GHR: variants seen among roughly 807,000 people sequenced by gnomAD.
GHR encodes growth hormone receptor.
A neutral mutation model predicts 67.1 loss-of-function variants in GHR; 35 were observed. That is an observed-to-expected ratio of 0.52 (90% CI 0.40 to 0.69). GHR has a LOEUF of 0.69. Ranked by LOEUF, GHR falls within the 30% of genes least tolerant of loss-of-function variation. The pLI, the probability that GHR is intolerant of heterozygous loss-of-function variation, is 0.00. For missense variants in GHR, 792 were observed against 764.6 expected (o/e 1.04, Z -0.42); for synonymous variants, 272 against 269.1 (o/e 1.01, Z -0.10).
intron 1 of GHR, among the ~76,000 whole-genome samples, chr5:42,475,396 G>A (rs1434160291): frequency 6.6e-6 from 1 of 151,480 alleles, no homozygotes; most frequent in African/African-American, 2.4e-5. Context: ...CCCCTTCCAG[G>A]GTCCTGGAAG....
Position 42,445,782 on chromosome 5 carries a change from C to T in GHR, c.-12+21827C>T, listed in dbSNP as rs1374715090. On this transcript the variant is annotated intron_variant, in intron 1 of 9. Transcript: ENST00000230882. ...CTGACTTGTTAAGCTCAGTATGCTT[C>T]GATAAGAAAGCAAAATTTTTTTGTT... Among the ~76,000 whole-genome samples, 17 of 151,958 alleles carry T rather than the reference C, an allele frequency of 1.1e-4. No homozygotes were observed. In the East Asian group the frequency reaches 1.3e-3, roughly 12 times the overall value.
chr5:42,661,606 A>T (rs936817923), intron 3 of GHR, among the ~76,000 whole-genome samples: 1 of 152,250 alleles, frequency 6.6e-6, no homozygotes, highest in East Asian at 1.9e-4. Context: ...TGAAGGAAGC[A>T]CTAAACATGG....
intron 2 of GHR, among the ~76,000 whole-genome samples, chr5:42,624,284 G>A (rs1408310558): frequency 6.6e-6 from 1 of 152,118 alleles, no homozygotes; most frequent in African/African-American, 2.4e-5. Flanking sequence ...CAGAGCTTTG[G>A]CTCTGCACTC....
chr5:42,671,292 A>T (rs1199421333), intron 3 of GHR, among the ~76,000 whole-genome samples: 1 of 152,094 alleles, frequency 6.6e-6, no homozygotes, highest in East Asian at 1.9e-4. Flanking sequence ...GGGAAGCAGG[A>T]GTAAGAGAGA....
intron 5 of GHR, among the ~76,000 whole-genome samples, chr5:42,697,615 G>A (rs960492543): frequency 1.8e-4 from 27 of 152,160 alleles, no homozygotes; most frequent in African/African-American, 6.0e-4. Flanking sequence ...ACAGCAGGCC[G>A]GCGGTGGAGT....
At chr5:42,611,185 C>A (rs965196971) in intron 2 of GHR, among the ~76,000 whole-genome samples, 1 of 151,922 alleles carries the variant, frequency 6.6e-6, no homozygotes, top group Non-Finnish European at 1.5e-5. Context: ...ATCTTATATC[C>A]CAGGTTTGCT....
chr5:42,590,551 A>G (rs1047313625), intron 2 of GHR, among the ~76,000 whole-genome samples: 1 of 152,220 alleles, frequency 6.6e-6, no homozygotes, highest in East Asian at 1.9e-4. Flanking sequence ...CTATCCCCTT[A>G]AAAGCAACCA....
chr5:42,691,060 T>C (rs571272647), intron 4 of GHR, among the ~76,000 whole-genome samples: 12 of 152,236 alleles, frequency 7.9e-5, no homozygotes, highest in African/African-American at 2.6e-4. Flanking sequence ...CTTGCCCTCA[T>C]CAATCAGGGT....
chr5:42,694,799 C>T lies in GHR; in HGVS notation c.267-118C>T, dbSNP rs1036764525. On this transcript the variant is annotated intron_variant, in intron 4 of 9. Transcript: ENST00000230882. ...CTCGGAAATGATGTTACTAAAATACCTCTTCACAAAATATTTGTCTTCCAA... is the reference window on the plus strand; with the variant it reads ...CTCGGAAATGATGTTACTAAAATACTTCTTCACAAAATATTTGTCTTCCAA... The T allele has an allele frequency of 1.9e-5, 15 of 800,804 alleles. No homozygotes were observed. In the African/African-American group the frequency reaches 2.5e-4, roughly 13 times the overall value. The allele number at this position is 800,804 out of a possible 1,614,324, so 49.6% of individuals were successfully genotyped here.
intron 1 of GHR, among the ~76,000 whole-genome samples, chr5:42,481,703 G>A (rs1204949879): frequency 2.0e-5 from 3 of 152,088 alleles, no homozygotes; most frequent in South Asian, 2.1e-4. Flanking sequence ...CATTTGTCAC[G>A]TAATTCTCGT....
intron 2 of GHR, among the ~76,000 whole-genome samples, chr5:42,593,366 C>G (rs997615397): frequency 1.3e-5 from 2 of 152,192 alleles, no homozygotes; most frequent in Non-Finnish European, 2.9e-5. Flanking sequence ...CCAATGGAAA[C>G]TGTCTCTCAA....
chr5:42,663,642 T>C (rs1755787818), intron 3 of GHR, among the ~76,000 whole-genome samples: 1 of 152,198 alleles, frequency 6.6e-6, no homozygotes, highest in Admixed American at 6.5e-5. Flanking sequence ...AATATCATAC[T>C]GAATGGGCAA....
At chr5:42,600,546 G>A (rs6887718) in intron 2 of GHR, among the ~76,000 whole-genome samples, 150,333 of 152,352 alleles carry the variant, frequency 0.99, 74,242 homozygotes, top group Non-Finnish European at 1. Flanking sequence ...GGAGTAAGAA[G>A]TGAAAGCTCC....
At chr5:42,671,793 A>G (rs1756320279) in intron 3 of GHR, among the ~76,000 whole-genome samples, 1 of 151,872 alleles carries the variant, frequency 6.6e-6, no homozygotes, top group Non-Finnish European at 1.5e-5. Flanking sequence ...AGTCTCTACT[A>G]AAAATACAAA....
chr5:42,512,607 TA>T (rs1407688626), intron 1 of GHR, among the ~76,000 whole-genome samples: 1 of 152,168 alleles, frequency 6.6e-6, no homozygotes, highest in Non-Finnish European at 1.5e-5. Context: ...TATATATATA[TA>T]CATAGACAAC....
chr5:42,541,907 G>T (rs2112381557), intron 1 of GHR, among the ~76,000 whole-genome samples: 2 of 152,264 alleles, frequency 1.3e-5, no homozygotes, highest in South Asian at 4.1e-4. Context: ...AAAATTGAAA[G>T]TCTGGTTATG....
At chr5:42,692,401 G>C (rs532126328) in intron 4 of GHR, among the ~76,000 whole-genome samples, 2 of 152,142 alleles carry the variant, frequency 1.3e-5, no homozygotes, top group Middle Eastern at 3.4e-3. Context: ...AAGAGCAGAG[G>C]GGAGCTTCCA....
At chr5:42,559,371 T>C (rs59463904) in intron 1 of GHR, among the ~76,000 whole-genome samples, 13,135 of 152,046 alleles carry the variant, frequency 0.086, 844 homozygotes, top group African/African-American at 0.17. Context: ...CAAGACCTTG[T>C]GTATAAAATA....
intron 2 of GHR, among the ~76,000 whole-genome samples, chr5:42,566,601 G>C (rs1312373091): frequency 6.6e-6 from 1 of 151,842 alleles, no homozygotes; most frequent in Non-Finnish European, 1.5e-5. Context: ...ACAAGGAAGA[G>C]TAATAGAAGG....
Sources: allele counts gnomAD v4.1 joint callset (sites outside exome capture counted in the v4.1 genomes callset), GRCh38; gene constraint gnomAD v4.1.1; transcripts MANE v1.5; gene names NCBI Gene and HGNC (gene_info 2026-07-23, HGNC 2026-07-21).